The following FRMPD2 variants were observed in gnomAD, a reference collection of about 807,000 sequenced individuals.
FRMPD2 encodes the protein FERM and PDZ domain-containing protein 2.
FRMPD2 carries 96 observed loss-of-function variants against 140.1 expected under a neutral mutation model. The observed-to-expected ratio is 0.69, with a 90% CI of 0.58 to 0.81. The LOEUF is 0.81. Ranked by LOEUF, FRMPD2 falls within the 40% of genes least tolerant of loss-of-function variation. The pLI, the probability that FRMPD2 is intolerant of heterozygous loss-of-function variation, is 0.00. For missense variants in FRMPD2, 1,240 were observed against 1,447.4 expected, an observed-to-expected ratio of 0.86 and a Z score of 2.32; for synonymous variants, 449 against 547.6, an observed-to-expected ratio of 0.82 and a Z score of 2.52.
At chr10:48,234,935 G>A (rs766207580) in intron 9 of FRMPD2, among the ~76,000 whole-genome samples, 3 of 152,122 alleles carry the variant, frequency 2.0e-5, no homozygotes, top group African/African-American at 4.8e-5. Flanking sequence ...CCATCTACCC[G>A]GTGGGTAGAG....
intron 25 of FRMPD2, among the ~76,000 whole-genome samples, chr10:48,172,715 G>A (rs1444841625): frequency 5.3e-5 from 8 of 151,894 alleles, no homozygotes; most frequent in African/African-American, 1.9e-4. Flanking sequence ...GGAAGGCTGG[G>A]GGCAGAAAGA....
intron 12 of FRMPD2, among the ~76,000 whole-genome samples, chr10:48,215,527 C>A (rs1300066556): frequency 1.3e-5 from 2 of 152,186 alleles, no homozygotes; most frequent in Non-Finnish European, 2.9e-5. Flanking sequence ...TTCAATGGTG[C>A]CAAGCCCAGA....
In FRMPD2 at chr10:48,238,098, C is replaced by T. The variant is rs1349386056; in HGVS notation, c.814G>A (p.Asp272Asn). ...CTGAGCCTCCGGCCCGCCTGCTGGT[C>T]CTGGGGATCTGCTCCTGGAAGAGCG... Reference protein sequence around the residue: ...NRALPGADPQDQQAGRRLSSG... With the variant: ...NRALPGADPQNQQAGRRLSSG... The change falls in exon 8 of 29, where the codon GAC becomes AAC. Residue 272 changes from aspartate to asparagine, a missense_variant. Transcript: ENST00000374201. 1 of 1,612,734 alleles carries T rather than the reference C, an allele frequency of 6.2e-7. No homozygotes were observed. Among genetic ancestry groups the T allele is most frequent in the South Asian group, 1.1e-5 (1 of 91,080 alleles).
At chr10:48,215,300 C>T (rs764544568) in intron 12 of FRMPD2, among the ~76,000 whole-genome samples, 5 of 152,306 alleles carry the variant, frequency 3.3e-5, no homozygotes, top group Admixed American at 6.5e-5. Flanking sequence ...ACAGGCCAGA[C>T]TTCTCCTCTT....
chr10:48,229,838 T>A (rs531886828), intron 10 of FRMPD2, among the ~76,000 whole-genome samples: 23 of 152,260 alleles, frequency 1.5e-4, no homozygotes, highest in African/African-American at 5.3e-4. Flanking sequence ...GCATTTGCAA[T>A]CAGCTACAGT....
At chr10:48,241,934 T>A (rs1840123410) in intron 5 of FRMPD2, 3 of 332,146 alleles carry the variant, frequency 9.0e-6, no homozygotes, top group African/African-American at 6.2e-5. Context: ...AAGGTCTTTG[T>A]TAGCACTGCC....
intron 28 of FRMPD2, among the ~76,000 whole-genome samples, chr10:48,158,210 C>T (rs1588794132): frequency 6.7e-6 from 1 of 149,938 alleles, no homozygotes; most frequent in South Asian, 2.1e-4. Flanking sequence ...GCGATTTGCT[C>T]CCCACTTGTC....
At chr10:48,229,155 A>G (rs139043327) in intron 10 of FRMPD2, among the ~76,000 whole-genome samples, 13 of 152,250 alleles carry the variant, frequency 8.5e-5, no homozygotes, top group Admixed American at 4.6e-4. Context: ...TAATTGGCCT[A>G]GAAAACAAAA....
intron 12 of FRMPD2, among the ~76,000 whole-genome samples, chr10:48,222,026 A>G (rs1191335126): frequency 6.6e-6 from 1 of 151,036 alleles, no homozygotes; most frequent in Non-Finnish European, 1.5e-5. Context: ...GGATGGATAG[A>G]TGGATGGATA....
chr10:48,244,330 A>T (rs1840195298), intron 4 of FRMPD2, among the ~76,000 whole-genome samples: 1 of 152,250 alleles, frequency 6.6e-6, no homozygotes, highest in Non-Finnish European at 1.5e-5. Flanking sequence ...TGTAGTTTTT[A>T]AAAAATGACT....
chr10:48,274,568 C>G lies in FRMPD2; in HGVS notation c.-1G>C, dbSNP rs776333647. On this transcript the variant is annotated 5_prime_UTR_variant, in exon 1 of 29. Coordinates refer to ENST00000374201, the MANE Select transcript of FRMPD2 (RefSeq NM_001018071.4). The stretch of plus-strand genomic sequence containing the variant: ...CTGCGTCCTTCGTTAAAGGCTGCAT[C>G]CAAAAGTCTCCGTGACCAGGTCTAG... 5 of 1,614,072 alleles carry G rather than the reference C, an allele frequency of 3.1e-6. No homozygotes were observed. The highest frequency in any genetic ancestry group is 4.2e-6 in the Non-Finnish European group (5 of 1,179,940).
intron 27 of FRMPD2, among the ~76,000 whole-genome samples, chr10:48,167,901 T>C (rs1323244414): frequency 1.2e-4 from 18 of 146,952 alleles, no homozygotes; most frequent in Admixed American, 1.3e-4. Context: ...AGGAGGGAGT[T>C]CTGCCTCCAG....
chr10:48,257,719 G>A (rs141801010), intron 1 of FRMPD2, among the ~76,000 whole-genome samples: 22 of 152,112 alleles, frequency 1.4e-4, no homozygotes, highest in Non-Finnish European at 2.8e-4. Flanking sequence ...TGGGCACAGG[G>A]CACATACTTA....
At chr10:48,204,711 C>A (rs2131869489) in intron 14 of FRMPD2, among the ~76,000 whole-genome samples, 1 of 152,176 alleles carries the variant, frequency 6.6e-6, no homozygotes, top group East Asian at 1.9e-4. Context: ...ATAAATATTT[C>A]TTTCATGCCA....
At chr10:48,168,732 C>T (rs1451005191) in intron 26 of FRMPD2, 39 bp from the exon 27 acceptor site, 1 of 743,758 alleles carries the variant, frequency 1.3e-6, no homozygotes, top group South Asian at 1.5e-5. Context: ...TTTGGGCTTG[C>T]ATTGCTGGGG....
intron 14 of FRMPD2, chr10:48,201,585 T>C (rs1839088218): frequency 4.1e-6 from 2 of 484,938 alleles, no homozygotes; most frequent in Non-Finnish European, 3.7e-6. Flanking sequence ...CCTTCATTCA[T>C]CAATCAAATT....
chr10:48,171,651 A>G (rs1588802662), intron 25 of FRMPD2, among the ~76,000 whole-genome samples: 2 of 152,374 alleles, frequency 1.3e-5, no homozygotes, highest in East Asian at 3.9e-4. Flanking sequence ...AATCCAATAC[A>G]TATTTTATCC....
At chr10:48,229,986 T>A (rs1313513628) in intron 10 of FRMPD2, among the ~76,000 whole-genome samples, 2 of 152,152 alleles carry the variant, frequency 1.3e-5, no homozygotes, top group East Asian at 3.8e-4. Flanking sequence ...GAAACAGAGT[T>A]TGTGAAACTG....
chr10:48,181,887 TACAC>T (rs56127751), intron 20 of FRMPD2, among the ~76,000 whole-genome samples: 6 of 111,538 alleles, frequency 5.4e-5, no homozygotes, highest in East Asian at 2.6e-4. Flanking sequence ...ATGGCTCTCA[TACAC>T]ACACACACAC....
Sources: gnomAD v4.1 joint callset for allele counts (sites outside exome capture counted in the v4.1 genomes callset) on GRCh38, gnomAD v4.1.1 for gene constraint, MANE v1.5 for transcripts, NCBI Gene and HGNC (gene_info 2026-07-23, HGNC 2026-07-21) for gene names.